The following NRXN3 variants were observed in gnomAD, a reference collection of about 807,000 sequenced individuals.
NRXN3 encodes the protein neurexin 3, also known as neurexin III.
In NRXN3, 32 loss-of-function variants were observed where a neutral mutation model predicts 137.6. The observed-to-expected ratio is 0.23, with a 90% CI of 0.18 to 0.31. The LOEUF (loss-of-function observed/expected upper bound fraction) is 0.31. NRXN3 is among the 10% of genes least tolerant of loss of function. The pLI, the probability that NRXN3 is intolerant of heterozygous loss-of-function variation, is 1.00. For missense variants in NRXN3, 1,574 were observed against 2,062.5 expected, an observed-to-expected ratio of 0.76 and a Z score of 4.59; for synonymous variants, 798 against 784.5, an observed-to-expected ratio of 1.02 and a Z score of -0.29.
chr14:78,925,053 A>T (rs2099282449), intron 10 of NRXN3, among the ~76,000 whole-genome samples: 1 of 152,156 alleles, frequency 6.6e-6, no homozygotes, highest in South Asian at 2.1e-4. Flanking sequence ...TTAACTTCAG[A>T]TTTCATTAGA....
At chr14:78,197,360 C>T (rs545266027) in intron 1 of NRXN3, among the ~76,000 whole-genome samples, 5 of 152,362 alleles carry the variant, frequency 3.3e-5, no homozygotes, top group Non-Finnish European at 5.9e-5. Context: ...CTCTGGCTTT[C>T]TCCCAGTTCT....
intron 15 of NRXN3, among the ~76,000 whole-genome samples, chr14:79,230,709 C>G (rs1055938175): frequency 3.9e-5 from 6 of 152,160 alleles, no homozygotes; most frequent in Non-Finnish European, 7.4e-5. Flanking sequence ...TTGTGATTCT[C>G]TCTTCTGCTG....
At chr14:78,607,233 C>G (rs2152456749) in intron 4 of NRXN3, among the ~76,000 whole-genome samples, 2 of 152,296 alleles carry the variant, frequency 1.3e-5, no homozygotes, top group Non-Finnish European at 2.9e-5. Flanking sequence ...ATATTTTATT[C>G]ATTACAAGAG....
intron 3 of NRXN3, among the ~76,000 whole-genome samples, chr14:78,284,035 G>A (rs932579549): frequency 9.9e-5 from 15 of 152,058 alleles, no homozygotes; most frequent in African/African-American, 3.4e-4. Context: ...GAGTTGTTTC[G>A]AGCTTGTGTT....
chr14:78,662,616 A>G (rs985085651), intron 6 of NRXN3, among the ~76,000 whole-genome samples: 2 of 152,200 alleles, frequency 1.3e-5, no homozygotes, highest in African/African-American at 2.4e-5. Context: ...GATTTTATAG[A>G]TAGATCTATA....
intron 20 of NRXN3, among the ~76,000 whole-genome samples, chr14:79,818,274 T>C (rs866615948): frequency 2.2e-4 from 34 of 152,102 alleles, no homozygotes; most frequent in African/African-American, 3.6e-4. Context: ...AGGATGGTCA[T>C]GATCTCCTGA....
intron 15 of NRXN3, among the ~76,000 whole-genome samples, chr14:79,025,972 G>C (rs2099597369): frequency 6.6e-6 from 1 of 152,074 alleles, no homozygotes; most frequent in African/African-American, 2.4e-5. Context: ...GCACCTCCAG[G>C]CAAGAGGAAT....
chr14:78,757,175 A>AG (rs2098672487), intron 8 of NRXN3, among the ~76,000 whole-genome samples: 1 of 152,082 alleles, frequency 6.6e-6, no homozygotes, highest in African/African-American at 2.4e-5. Flanking sequence ...TGGGAGGCCG[A>AG]GGGGGGCAGA....
At chr14:79,145,517 T>G (rs1263966871) in intron 15 of NRXN3, among the ~76,000 whole-genome samples, 1 of 152,152 alleles carries the variant, frequency 6.6e-6, no homozygotes, top group East Asian at 1.9e-4. Flanking sequence ...GAGTATTTAA[T>G]GAGCCGTTGT....
chr14:79,554,470 T>C (rs1356035338), intron 16 of NRXN3, among the ~76,000 whole-genome samples: 1 of 152,182 alleles, frequency 6.6e-6, no homozygotes, highest in Non-Finnish European at 1.5e-5. Flanking sequence ...AAGGTGAGAC[T>C]GAAGATAAGT....
At chr14:78,443,623 C>CT (rs2094325834) in intron 4 of NRXN3, among the ~76,000 whole-genome samples, 1 of 152,282 alleles carries the variant, frequency 6.6e-6, no homozygotes, top group African/African-American at 2.4e-5. Flanking sequence ...GCTTTGGACT[C>CT]TAACAGACAT....
At chr14:78,296,148 T>G (rs1382880504) in intron 3 of NRXN3, among the ~76,000 whole-genome samples, 1 of 151,024 alleles carries the variant, frequency 6.6e-6, no homozygotes, top group Admixed American at 6.6e-5. Context: ...AGCCTCAAAC[T>G]TCTTGGCTCA....
intron 6 of NRXN3, among the ~76,000 whole-genome samples, chr14:78,661,039 T>A (rs566668256): frequency 7.5e-4 from 114 of 152,310 alleles, no homozygotes; most frequent in African/African-American, 2.5e-3. Flanking sequence ...TGAAACCTAG[T>A]TGGTGGTTTT....
chr14:79,857,916 AT>A (rs2099406228), intron 20 of NRXN3, among the ~76,000 whole-genome samples: 2 of 152,162 alleles, frequency 1.3e-5, no homozygotes, highest in Admixed American at 1.3e-4. Context: ...ATCATTTATC[AT>A]TTTTATCGCT....
chr14:78,464,930 A>C (rs571554438), intron 4 of NRXN3, among the ~76,000 whole-genome samples: 18 of 152,322 alleles, frequency 1.2e-4, no homozygotes, highest in African/African-American at 3.6e-4. Context: ...ATTAACATTC[A>C]CATTCTGTTC....
intron 4 of NRXN3, among the ~76,000 whole-genome samples, chr14:78,586,776 A>G (rs2097067626): frequency 1.3e-5 from 2 of 152,208 alleles, no homozygotes; most frequent in Admixed American, 1.3e-4. Flanking sequence ...TTTACTTCCT[A>G]TCTTTGACAA....
intron 15 of NRXN3, among the ~76,000 whole-genome samples, chr14:79,056,295 G>C (rs924457839): frequency 2.0e-5 from 3 of 152,160 alleles, no homozygotes; most frequent in African/African-American, 7.2e-5. Flanking sequence ...AGGACTAATT[G>C]GAGAAAGTCA....
intron 4 of NRXN3, among the ~76,000 whole-genome samples, chr14:78,542,860 T>C (rs1184761995): frequency 2.0e-5 from 3 of 152,294 alleles, no homozygotes; most frequent in Middle Eastern, 3.4e-3. Flanking sequence ...ATAATACCTT[T>C]CTAAATACCT....
intron 10 of NRXN3, among the ~76,000 whole-genome samples, chr14:78,921,648 C>T (rs899803800): frequency 2.0e-5 from 3 of 152,112 alleles, no homozygotes; most frequent in Non-Finnish European, 4.4e-5. Context: ...AAAGATTAGT[C>T]AGAGAAGATG....
Sources: allele counts gnomAD v4.1 joint callset (sites outside exome capture counted in the v4.1 genomes callset), GRCh38; gene constraint gnomAD v4.1.1; transcripts MANE v1.5; gene names NCBI Gene and HGNC (gene_info 2026-07-23, HGNC 2026-07-21).